The following FMN1 variants were observed in gnomAD, a reference collection of about 807,000 sequenced individuals.
FMN1 encodes formin-1.
A neutral mutation model predicts 132.4 loss-of-function variants in FMN1; 110 were observed. The ratio of observed to expected loss-of-function variants is 0.83; its 90% CI spans 0.71 to 0.97. The LOEUF is 0.97. FMN1 is among the 50% of genes least tolerant of loss of function. The probability of loss-of-function intolerance (pLI) is 0.00; values close to 1 mark genes in which losing one functional copy is unlikely to be tolerated. For missense variants in FMN1, 1,792 were observed against 1,705.3 expected (o/e 1.05, Z -0.90); for synonymous variants, 722 against 651.7 (o/e 1.11, Z -1.64).
chr15:32,997,682 C>G (rs750035729), intron 7 of FMN1, among the ~76,000 whole-genome samples: 2 of 152,160 alleles, frequency 1.3e-5, no homozygotes, highest in Non-Finnish European at 2.9e-5. Context: ...AGCATTTAAT[C>G]TCTCATGTCA....
intron 3 of FMN1, among the ~76,000 whole-genome samples, chr15:33,173,476 T>G (rs1965402606): frequency 6.6e-6 from 1 of 152,234 alleles, no homozygotes; most frequent in African/African-American, 2.4e-5. Context: ...CCATGCCCCA[T>G]CTACTTCATT....
At chr15:32,890,273 T>G (rs1196155798) in intron 15 of FMN1, among the ~76,000 whole-genome samples, 2 of 152,226 alleles carry the variant, frequency 1.3e-5, no homozygotes, top group African/African-American at 4.8e-5. Context: ...CTTCTTTTCC[T>G]CTGGATAGAT....
chr15:32,782,319 T>C (rs773886492), intron 19 of FMN1, among the ~76,000 whole-genome samples: 100 of 152,260 alleles, frequency 6.6e-4, no homozygotes, highest in Non-Finnish European at 1.0e-3. Flanking sequence ...TTTGTTTTTC[T>C]GACTTAAACA....
At chr15:32,869,093 G>A (rs1238744472) in intron 16 of FMN1, among the ~76,000 whole-genome samples, 3 of 152,234 alleles carry the variant, frequency 2.0e-5, no homozygotes, top group South Asian at 4.2e-4. Flanking sequence ...AGAGAATTAA[G>A]GTGAAATGTC....
At chr15:32,815,461 T>G (rs1449146282) in intron 17 of FMN1, among the ~76,000 whole-genome samples, 1 of 152,200 alleles carries the variant, frequency 6.6e-6, no homozygotes, top group African/African-American at 2.4e-5. Context: ...GGGCCAATAC[T>G]TCATTCTTCA....
chr15:32,830,746 A>G (rs577915468), intron 17 of FMN1, among the ~76,000 whole-genome samples: 1 of 152,304 alleles, frequency 6.6e-6, no homozygotes, highest in East Asian at 1.9e-4. Flanking sequence ...GAGTATATGT[A>G]AGAAAAGCCC....
Position 33,153,335 on chromosome 15 carries a change from C to T in FMN1, c.1580G>A (p.Arg527Lys), listed in dbSNP as rs550985927. The change falls in exon 4 of 21, where the codon AGG becomes AAG. Residue 527 changes from arginine to lysine, a missense_variant. This residue lies in a region of FMN1 where 4 missense variants were observed against 17.0 expected (regional missense o/e 0.24). Coordinates refer to ENST00000616417, the MANE Select transcript of FMN1 (RefSeq NM_001277313.2). ...GTGATGCTGCTGAGGGCTGGGGAGCCTTGGAGACAGAGGCGAGGGAACAGG... is the reference window on the plus strand; with the variant it reads ...GTGATGCTGCTGAGGGCTGGGGAGCTTTGGAGACAGAGGCGAGGGAACAGG... ...TSPVPSPLSPRLPSPQQHHRI... is the reference protein window; with the variant it reads ...TSPVPSPLSPKLPSPQQHHRI... 6.5e-7 allele frequency: 1 copy of T among 1,536,332 alleles called. No individual in the cohort carries two copies. Among genetic ancestry groups the T allele is most frequent in the East Asian group, 2.4e-5 (1 of 40,908 alleles).
intron 9 of FMN1, among the ~76,000 whole-genome samples, chr15:32,954,927 G>A (rs1213448393): frequency 6.6e-6 from 1 of 152,198 alleles, no homozygotes; most frequent in Non-Finnish European, 1.5e-5. Flanking sequence ...ATTGCTTGAT[G>A]AACCTGAGAG....
chr15:33,061,770 G>A (rs1313284033), intron 6 of FMN1, among the ~76,000 whole-genome samples: 2 of 151,814 alleles, frequency 1.3e-5, no homozygotes, highest in African/African-American at 2.4e-5. Flanking sequence ...ACAATATAGA[G>A]GAAATAATTA....
At chr15:33,002,716 G>A (rs969503938) in intron 7 of FMN1, among the ~76,000 whole-genome samples, 1 of 152,072 alleles carries the variant, frequency 6.6e-6, no homozygotes, top group Non-Finnish European at 1.5e-5. Flanking sequence ...TAAAGCAGCA[G>A]CTAGAAATCC....
intron 19 of FMN1, among the ~76,000 whole-genome samples, chr15:32,783,406 G>A (rs916258817): frequency 6.6e-6 from 1 of 152,136 alleles, no homozygotes; most frequent in Admixed American, 6.5e-5. Context: ...ATGGGAAAGT[G>A]AGTCATGTCC....
At chr15:32,891,768 T>C (rs1194829333) in intron 15 of FMN1, among the ~76,000 whole-genome samples, 2 of 152,182 alleles carry the variant, frequency 1.3e-5, no homozygotes, top group South Asian at 2.1e-4. Flanking sequence ...TTTTGACTCC[T>C]TAGGTATATT....
chr15:33,083,306 A>G (rs16964741), intron 5 of FMN1, among the ~76,000 whole-genome samples: 8,675 of 152,266 alleles, frequency 0.057, 810 homozygotes, highest in African/African-American at 0.2. Context: ...AACAGCTCAG[A>G]AACAATATTG....
intron 7 of FMN1, among the ~76,000 whole-genome samples, chr15:32,975,544 G>A (rs2032133674): frequency 6.6e-6 from 1 of 152,096 alleles, no homozygotes; most frequent in African/African-American, 2.4e-5. Flanking sequence ...GACTAATACT[G>A]AAACTAGAGC....
intron 17 of FMN1, among the ~76,000 whole-genome samples, chr15:32,830,150 CA>C (rs2058466428): frequency 6.7e-6 from 1 of 148,768 alleles, no homozygotes; most frequent in Non-Finnish European, 1.5e-5. Context: ...GGCCAAAGAC[CA>C]AAAATAAAGT....
intron 17 of FMN1, among the ~76,000 whole-genome samples, chr15:32,847,772 A>G (rs879820656): frequency 3.3e-5 from 5 of 152,118 alleles, no homozygotes; most frequent in Admixed American, 1.3e-4. Flanking sequence ...GAAGAATGGC[A>G]TGAACCTGGG....
chr15:33,040,441 T>C (rs759273236), intron 6 of FMN1, among the ~76,000 whole-genome samples: 10 of 152,204 alleles, frequency 6.6e-5, no homozygotes, highest in Non-Finnish European at 1.5e-4. Flanking sequence ...AAAAAACCAT[T>C]AAGTGCTTGA....
At chr15:33,093,884 A>G (rs1266016070) in intron 4 of FMN1, among the ~76,000 whole-genome samples, 1 of 152,226 alleles carries the variant, frequency 6.6e-6, no homozygotes, top group Admixed American at 6.5e-5. Flanking sequence ...TTCAAATAAA[A>G]TAAAACAAAT....
At chr15:32,863,360 G>A (rs2059318298) in intron 16 of FMN1, among the ~76,000 whole-genome samples, 1 of 152,184 alleles carries the variant, frequency 6.6e-6, no homozygotes, top group Non-Finnish European at 1.5e-5. Flanking sequence ...CGTGAACCCG[G>A]GAGGCGGAGC....
Sources: allele counts gnomAD v4.1 joint callset (sites outside exome capture counted in the v4.1 genomes callset), GRCh38; gene constraint gnomAD v4.1.1; regional missense constraint gnomAD v4.1.1; transcripts MANE v1.5; gene names NCBI Gene and HGNC (gene_info 2026-07-23, HGNC 2026-07-21).